KAT2B: variants seen among roughly 807,000 people sequenced by gnomAD.
KAT2B encodes lysine acetyltransferase 2B, also known as histone acetyltransferase KAT2B.
A neutral mutation model predicts 105.9 loss-of-function variants in KAT2B; 36 were observed. The ratio of observed to expected loss-of-function variants is 0.34; its 90% CI spans 0.26 to 0.45. KAT2B has a LOEUF of 0.45. Among genes scored for constraint, KAT2B ranks in the 20% least tolerant of loss-of-function variants. The pLI is 1.00. For missense variants in KAT2B, 820 were observed against 1,021.6 expected (o/e 0.80, Z 2.69); for synonymous variants, 397 against 377.9 (o/e 1.05, Z -0.59).
chr3:20,062,254 A>AAATATATATAAAAT (rs1559514418), intron 1 of KAT2B, among the ~76,000 whole-genome samples: 3 of 61,438 alleles, frequency 4.9e-5, no homozygotes, highest in Non-Finnish European at 7.8e-5. Context: ...TAATATATAA[A>AAATATATATAAAAT]ATATGATATA....
At chr3:20,072,223 G>A in intron 1 of KAT2B, 110 bp from the exon 2 acceptor site, 1 of 1,133,454 alleles carries the variant, frequency 8.8e-7, no homozygotes, top group Non-Finnish European at 1.3e-6. Flanking sequence ...GACAAAGTCA[G>A]GGGTGAGGGG....
intron 1 of KAT2B, among the ~76,000 whole-genome samples, chr3:20,060,321 G>A (rs182767894): frequency 6.6e-6 from 1 of 152,200 alleles, no homozygotes; most frequent in Non-Finnish European, 1.5e-5. Context: ...AAAACTGTGG[G>A]CTGGGCATGG....
intron 2 of KAT2B, among the ~76,000 whole-genome samples, chr3:20,094,483 C>T (rs896604870): frequency 6.6e-6 from 1 of 152,022 alleles, no homozygotes; most frequent in Non-Finnish European, 1.5e-5. Context: ...TTGTAAAATG[C>T]AATTACTAAT....
At chr3:20,060,959 A>T (rs955651764) in intron 1 of KAT2B, among the ~76,000 whole-genome samples, 2 of 152,060 alleles carry the variant, frequency 1.3e-5, no homozygotes, top group Non-Finnish European at 2.9e-5. Flanking sequence ...AACAACAACA[A>T]CAACAACAAA....
rs1699909374 is a variant in KAT2B at position 20,153,942 on chromosome 3, GA to G, written c.*1419del. The G allele has an allele frequency of 6.6e-6, 1 of 152,448 alleles. No homozygotes were observed. The highest frequency in any genetic ancestry group is 1.5e-5 in the Non-Finnish European group (1 of 68,004). 9.4% of individuals were successfully genotyped at this position (152,448 alleles called of 1,614,324 possible). ...AACCCTGCAAATGGCTATTGAGTTG[GA>G]AGTATTGTTTTTGATATGTAAGAGA... On this transcript the variant is annotated 3_prime_UTR_variant, in exon 18 of 18. Transcript: ENST00000263754.
In KAT2B at chr3:20,062,053, A is replaced by AATATATATTATATATAAAACAT. The variant is rs1559514006; in HGVS notation, c.304-10276_304-10255dup. 1.1e-4 allele frequency among the ~76,000 whole-genome samples: 8 copies of AATATATATTATATATAAAACAT among 71,134 alleles called. No individual in the cohort carries two copies. In the East Asian group the frequency reaches 1.7e-3, roughly 15 times the overall value. The allele number at this position is 71,134 out of a possible 152,430, so 46.7% of individuals were successfully genotyped here. ...AATATATATTATATATAAAACATATAATATATATTATATATAAAACATATA... is the reference window on the plus strand; with the variant it reads ...AATATATATTATATATAAAACATATAATATATATTATATATAAAACATATATATATTATATATAAAACATATA... On this transcript the variant is annotated intron_variant, in intron 1 of 17. Coordinates refer to ENST00000263754, the MANE Select transcript of KAT2B (RefSeq NM_003884.5).
At chr3:20,104,519 A>G (rs1454370549) in intron 5 of KAT2B, among the ~76,000 whole-genome samples, 1 of 152,164 alleles carries the variant, frequency 6.6e-6, no homozygotes, top group Non-Finnish European at 1.5e-5. Flanking sequence ...ATGATGTCTC[A>G]CTGATACTGA....
At chr3:20,135,750 T>C (rs922109476) in intron 11 of KAT2B, among the ~76,000 whole-genome samples, 2 of 152,146 alleles carry the variant, frequency 1.3e-5, no homozygotes, top group African/African-American at 4.8e-5. Context: ...GTGCTTGGCT[T>C]GGGACTGGGA....
intron 17 of KAT2B, among the ~76,000 whole-genome samples, chr3:20,151,117 T>G (rs1388808806): frequency 6.6e-6 from 1 of 152,206 alleles, no homozygotes; most frequent in Non-Finnish European, 1.5e-5. Flanking sequence ...TTCTTAGCGC[T>G]TTTAGATTTT....
chr3:20,148,212 A>G (rs1699810621), intron 15 of KAT2B, 31 bp from the exon 16 acceptor site: 1 of 1,589,622 alleles, frequency 6.3e-7, no homozygotes, highest in Non-Finnish European at 8.6e-7. Flanking sequence ...AACTCTAATC[A>G]TTGCTCCTTG....
At chr3:20,148,726 G>A in intron 17 of KAT2B, 2 of 402,750 alleles carry the variant, frequency 5.0e-6, no homozygotes, top group Non-Finnish European at 8.8e-6. Context: ...ACTAGACGCA[G>A]AAAATCCACG....
At chr3:20,063,882 G>T (rs529473279) in intron 1 of KAT2B, among the ~76,000 whole-genome samples, 1 of 152,138 alleles carries the variant, frequency 6.6e-6, no homozygotes, top group Non-Finnish European at 1.5e-5. Flanking sequence ...TCTATTTTGA[G>T]TTCATTTGTG....
chr3:20,079,575 G>T (rs1698483930), intron 2 of KAT2B, among the ~76,000 whole-genome samples: 1 of 152,152 alleles, frequency 6.6e-6, no homozygotes, highest in African/African-American at 2.4e-5. Flanking sequence ...TACTTCTTGA[G>T]TATTATGAAG....
intron 7 of KAT2B, among the ~76,000 whole-genome samples, 172 bp downstream of exon 7, chr3:20,115,160 C>T (rs1328702505): frequency 6.6e-6 from 1 of 152,176 alleles, no homozygotes; most frequent in Non-Finnish European, 1.5e-5. Flanking sequence ...CTAGATACAC[C>T]TAGGAATCAA....
chr3:20,102,989 A>G (rs1285979490), intron 5 of KAT2B, among the ~76,000 whole-genome samples: 2 of 152,238 alleles, frequency 1.3e-5, no homozygotes, highest in African/African-American at 2.4e-5. Flanking sequence ...CATGTGTAAC[A>G]CACCCTTTTC....
intron 2 of KAT2B, among the ~76,000 whole-genome samples, chr3:20,079,484 G>A (rs939328468): frequency 1.5e-4 from 23 of 152,040 alleles, no homozygotes; most frequent in Admixed American, 1.2e-3. Flanking sequence ...GATTACAGGC[G>A]TGAGCCACCG....
In KAT2B at chr3:20,040,682, G is replaced by T; in HGVS notation, c.205G>T (p.Gly69Cys). 1 of 1,567,006 alleles carries T rather than the reference G, an allele frequency of 6.4e-7. No homozygotes were observed. The highest frequency in any genetic ancestry group is 8.6e-7 in the Non-Finnish European group (1 of 1,161,930). Residue 69 changes from glycine (G) to cysteine (C), a missense_variant, in exon 1 of 18, where the codon GGC becomes TGC. This residue lies in a region of KAT2B where 190 missense variants were observed against 176.7 expected (regional missense o/e 1.08). Transcript: ENST00000263754. ...AAAGTAEGPGGGGSARIAVKK... is the reference protein window; with the variant it reads ...AAAGTAEGPGCGGSARIAVKK... ...AGCGGGCACGGCCGAAGGACCGGGA[G>T]GCGGTGGCTCGGCCCGAATCGCCGT...
At chr3:20,106,995 A>T (rs868636699) in intron 5 of KAT2B, among the ~76,000 whole-genome samples, 3 of 17,226 alleles carry the variant, frequency 1.7e-4, no homozygotes, top group Admixed American at 1.1e-3. Context: ...ATATATATAT[A>T]TATATATATA....
rs1037666357 is a variant in KAT2B at position 20,097,790 on chromosome 3, C to T, written c.577-2072C>T. Among the ~76,000 whole-genome samples, 6 of 152,104 alleles carry T rather than the reference C, an allele frequency of 3.9e-5. No individual in the cohort carries two copies. The East Asian group carries it at 9.6e-4, about 24-fold the overall frequency. ...AGCCTCAAGTGATCTCCCCCCTCGG[C>T]CTTCCAAAGTGCTGGGATTACAGGC... is the stretch of plus-strand genomic sequence containing the variant. On this transcript the variant is annotated intron_variant, in intron 3 of 17. Coordinates refer to ENST00000263754, the MANE Select transcript of KAT2B (RefSeq NM_003884.5).
Sources: allele counts gnomAD v4.1 joint callset (sites outside exome capture counted in the v4.1 genomes callset), GRCh38; gene constraint gnomAD v4.1.1; regional missense constraint gnomAD v4.1.1; transcripts MANE v1.5; gene names NCBI Gene and HGNC (gene_info 2026-07-23, HGNC 2026-07-21).